Variants in C8orf34 observed in about 807,000 individuals in gnomAD.
C8orf34 encodes chromosome 8 open reading frame 34.
A neutral mutation model predicts 68.3 loss-of-function variants in C8orf34; 65 were observed. That is an observed-to-expected ratio of 0.95 (90% CI 0.78 to 1.17). The LOEUF (loss-of-function observed/expected upper bound fraction) is 1.17, where lower values mean the gene tolerates loss of function less well. Among genes scored for constraint, C8orf34 ranks in the 50% most tolerant of loss-of-function variants. The probability of loss-of-function intolerance (pLI) is 0.00; values close to 1 mark genes in which losing one functional copy is unlikely to be tolerated. For missense variants in C8orf34, 664 were observed against 655.4 expected, an observed-to-expected ratio of 1.01 and a Z score of -0.14; for synonymous variants, 244 against 241.2, an observed-to-expected ratio of 1.01 and a Z score of -0.11.
chr8:68,374,614 C>T (rs1807710454), intron 1 of C8orf34, among the ~76,000 whole-genome samples: 2 of 152,096 alleles, frequency 1.3e-5, no homozygotes, highest in Non-Finnish European at 2.9e-5. Flanking sequence ...AAAACATTAA[C>T]GTATTTCTCC....
At chr8:68,382,896 C>T (rs1027554905) in intron 1 of C8orf34, among the ~76,000 whole-genome samples, 1 of 152,162 alleles carries the variant, frequency 6.6e-6, no homozygotes, top group Non-Finnish European at 1.5e-5. Context: ...GATAGGTCTA[C>T]TTTGCATCCG....
At chr8:68,568,791 C>T (rs993321399) in intron 7 of C8orf34, among the ~76,000 whole-genome samples, 1 of 152,162 alleles carries the variant, frequency 6.6e-6, no homozygotes, top group African/African-American at 2.4e-5. Flanking sequence ...TAAAAAGGAT[C>T]CTGTCTTTAA....
chr8:68,745,929 T>A (rs568378757), intron 10 of C8orf34, among the ~76,000 whole-genome samples: 1 of 152,240 alleles, frequency 6.6e-6, no homozygotes, highest in African/African-American at 2.4e-5. Context: ...CAACAGAATA[T>A]ACATTTTTTT....
intron 1 of C8orf34, among the ~76,000 whole-genome samples, chr8:68,406,424 G>GAGCT (rs1809196466): frequency 1.3e-5 from 2 of 151,928 alleles, no homozygotes; most frequent in South Asian, 4.2e-4. Flanking sequence ...TGGGTGAAGG[G>GAGCT]AGCTGATCAG....
intron 1 of C8orf34, among the ~76,000 whole-genome samples, chr8:68,333,732 A>C (rs1805729424): frequency 6.6e-6 from 1 of 152,210 alleles, no homozygotes; most frequent in Non-Finnish European, 1.5e-5. Context: ...TAGAAGCAGC[A>C]CAAATGTTTG....
chr8:68,596,783 C>T (rs543340802), intron 7 of C8orf34, among the ~76,000 whole-genome samples: 1 of 152,228 alleles, frequency 6.6e-6, no homozygotes, highest in East Asian at 1.9e-4. Context: ...CCTTCTGCAC[C>T]TTAGCAAGAT....
Position 68,332,097 on chromosome 8 carries a change from T to G in C8orf34, c.327+758T>G, listed in dbSNP as rs112915189. Among the ~76,000 whole-genome samples, 462 of 152,152 alleles carry G rather than the reference T, an allele frequency of 3.0e-3. 1 individual carries two copies. The highest frequency in any genetic ancestry group is 0.011 in the African/African-American group (444 of 41,488). ...TAGCTCTGAGCTGGTTTTGTTTTTT[T>G]TTCTCTCTCTCGCCATTAAAGAATT... On this transcript the variant is annotated intron_variant, in intron 1 of 13. Coordinates refer to ENST00000518698, the MANE Select transcript of C8orf34 (RefSeq NM_052958.4).
chr8:68,798,816 T>TG (rs1824251605), intron 12 of C8orf34, among the ~76,000 whole-genome samples: 1 of 152,212 alleles, frequency 6.6e-6, no homozygotes, highest in South Asian at 2.1e-4. Context: ...AAGGTCCAAT[T>TG]GATTCCTAAG....
intron 7 of C8orf34, among the ~76,000 whole-genome samples, chr8:68,636,340 G>A (rs1352665402): frequency 1.3e-5 from 2 of 151,882 alleles, no homozygotes; most frequent in African/African-American, 4.8e-5. Flanking sequence ...CTTTGTGAGG[G>A]CAAGGTGGGC....
At chr8:68,730,003 G>A (rs1372014357) in intron 10 of C8orf34, among the ~76,000 whole-genome samples, 1 of 152,090 alleles carries the variant, frequency 6.6e-6, no homozygotes, top group Non-Finnish European at 1.5e-5. Flanking sequence ...TTAAATAGTT[G>A]AGCAATAGAA....
rs188112957 is a variant in C8orf34, at chr8:68,476,022, G to A, written c.736+7202G>A. Reference sequence around the variant, plus strand: ...CAGCCAAGAGAAAAAAATAGCAAAGGACTTTTTTAGTGAGTCAGTCAGGAA... The same window carrying A: ...CAGCCAAGAGAAAAAAATAGCAAAGAACTTTTTTAGTGAGTCAGTCAGGAA... On this transcript the variant is annotated intron_variant, in intron 4 of 13. Coordinates refer to ENST00000518698, the MANE Select transcript of C8orf34 (RefSeq NM_052958.4). Among the ~76,000 whole-genome samples the A allele has an allele frequency of 6.6e-5, 10 of 152,272 alleles. No homozygotes were observed. In the East Asian group the frequency reaches 1.7e-3, roughly 27 times the overall value.
intron 6 of C8orf34, among the ~76,000 whole-genome samples, chr8:68,529,080 C>T (rs934754039): frequency 3.9e-5 from 6 of 152,154 alleles, no homozygotes; most frequent in Admixed American, 6.5e-5. Context: ...CATGAAAGTA[C>T]GATGGAACTT....
At chr8:68,661,792 G>A (rs527926131) in intron 8 of C8orf34, among the ~76,000 whole-genome samples, 9 of 152,156 alleles carry the variant, frequency 5.9e-5, no homozygotes, top group African/African-American at 1.9e-4. Flanking sequence ...GTAGTTGGAG[G>A]TTCTCGGGGG....
At chr8:68,753,946 C>T (rs1822779589) in intron 10 of C8orf34, among the ~76,000 whole-genome samples, 1 of 152,150 alleles carries the variant, frequency 6.6e-6, no homozygotes, top group African/African-American at 2.4e-5. Context: ...CTTTCAGTGG[C>T]TGCTGGAGAG....
At chr8:68,796,825 T>C (rs867586879) in intron 12 of C8orf34, among the ~76,000 whole-genome samples, 1,663 of 77,894 alleles carry the variant, frequency 0.021, 15 homozygotes, top group African/African-American at 0.088. Flanking sequence ...AGTTCTTCTT[T>C]TTTTTTTTTT....
chr8:68,671,559 G>A (rs1218235443), intron 8 of C8orf34, among the ~76,000 whole-genome samples: 1 of 152,164 alleles, frequency 6.6e-6, no homozygotes, highest in African/African-American at 2.4e-5. Context: ...ATACTAGCAT[G>A]GGAATGCTGA....
At chr8:68,556,318 A>G (rs1354727135) in intron 7 of C8orf34, among the ~76,000 whole-genome samples, 1 of 95,056 alleles carries the variant, frequency 1.1e-5, no homozygotes, top group Non-Finnish European at 2.2e-5. Context: ...TTTTTGCTTT[A>G]TATACTTCCT....
At chr8:68,436,361 G>A (rs1159657865) in intron 1 of C8orf34, among the ~76,000 whole-genome samples, 4 of 152,180 alleles carry the variant, frequency 2.6e-5, no homozygotes, top group Admixed American at 2.6e-4. Context: ...GGTGACAGCT[G>A]CTAATATATT....
At chr8:68,606,043 T>C (rs1459504751) in intron 7 of C8orf34, among the ~76,000 whole-genome samples, 1 of 151,964 alleles carries the variant, frequency 6.6e-6, no homozygotes, top group African/African-American at 2.4e-5. Context: ...AAAAACAAAT[T>C]CTATGAAAAA....
Sources: allele counts gnomAD v4.1 joint callset (sites outside exome capture counted in the v4.1 genomes callset), GRCh38; gene constraint gnomAD v4.1.1; transcripts MANE v1.5; gene names NCBI Gene and HGNC (gene_info 2026-07-23, HGNC 2026-07-21).